Variants in KLF12 observed in about 807,000 individuals in gnomAD.
KLF12 encodes Krueppel-like factor 12.
A neutral mutation model predicts 37.8 loss-of-function variants in KLF12; 9 were observed. That is an observed-to-expected ratio of 0.24 (90% CI 0.14 to 0.42). KLF12 has a LOEUF of 0.42. Ranked by LOEUF, KLF12 falls within the 10% of genes least tolerant of loss-of-function variation. The pLI is 1.00. For synonymous variants in KLF12, 208 were observed against 202.1 expected (o/e 1.03, Z -0.25); for missense variants, 411 against 516.0 (o/e 0.80, Z 1.97).
Position 73,813,202 on chromosome 13 carries a change from G to A in KLF12, c.756C>T (p.Ser252=), listed in dbSNP as rs754841548. 3 of 1,613,776 alleles carry A rather than the reference G, an allele frequency of 1.9e-6. No individual in the cohort carries two copies. The highest frequency in any genetic ancestry group is 2.2e-5 in the East Asian group (1 of 44,884). Residue 252 remains serine (S), a synonymous_variant, in exon 5 of 8, where the codon AGC becomes AGT. Transcript: ENST00000377669. Reference sequence around the variant, plus strand: ...GGGCCGTAGATCCAGTTTCATTAACGCTATCTAAGGTCACATTTGGCAGGT... The same window carrying A: ...GGGCCGTAGATCCAGTTTCATTAACACTATCTAAGGTCACATTTGGCAGGT...
At chr13:74,175,519 G>C in the KLF12 span, among the ~76,000 whole-genome samples, 1 of 152,168 alleles carries the variant, frequency 6.6e-6, no homozygotes, top group Non-Finnish European at 1.5e-5. Context: ...TTGAAAAGGA[G>C]AGTCTCTTTT....
At chr13:74,164,634 T>C in the KLF12 span, among the ~76,000 whole-genome samples, 1 of 152,212 alleles carries the variant, frequency 6.6e-6, no homozygotes, top group Non-Finnish European at 1.5e-5. Flanking sequence ...CTGGCCCTGA[T>C]GTGATTGAAA....
the KLF12 span, among the ~76,000 whole-genome samples, chr13:74,153,052 T>C: frequency 6.6e-6 from 1 of 152,162 alleles, no homozygotes; most frequent in Non-Finnish European, 1.5e-5. Context: ...ATGTTTGCTA[T>C]GTGCCTGTTA....
intron 3 of KLF12, among the ~76,000 whole-genome samples, chr13:73,897,370 T>C (rs1207444349): frequency 6.6e-6 from 1 of 152,212 alleles, no homozygotes; most frequent in Non-Finnish European, 1.5e-5. Context: ...TCTTCTGATT[T>C]GTCAAATCTC....
intron 3 of KLF12, among the ~76,000 whole-genome samples, chr13:73,866,154 C>T (rs937292483): frequency 3.3e-5 from 5 of 152,112 alleles, no homozygotes; most frequent in Non-Finnish European, 7.3e-5. Flanking sequence ...ACTCGGGAGG[C>T]TGAGGTGTGA....
At chr13:74,237,710 A>T in the KLF12 span, among the ~76,000 whole-genome samples, 1 of 152,072 alleles carries the variant, frequency 6.6e-6, no homozygotes, top group Non-Finnish European at 1.5e-5. Flanking sequence ...AGCAATTGTG[A>T]ATGGGAGTTC....
intron 1 of KLF12, among the ~76,000 whole-genome samples, chr13:74,076,696 G>A (rs1344146780): frequency 2.0e-5 from 3 of 151,976 alleles, no homozygotes; most frequent in Non-Finnish European, 4.4e-5. Context: ...TGTTATATAC[G>A]TAAACTCATG....
chr13:74,113,172 T>A (rs1019527431), intron 1 of KLF12, among the ~76,000 whole-genome samples: 1 of 152,170 alleles, frequency 6.6e-6, no homozygotes, highest in African/African-American at 2.4e-5. Flanking sequence ...GCCATCTGCA[T>A]AACATAAAGG....
chr13:73,894,438 TA>T (rs1433826536), intron 3 of KLF12, among the ~76,000 whole-genome samples: 1 of 152,196 alleles, frequency 6.6e-6, no homozygotes, highest in Non-Finnish European at 1.5e-5. Flanking sequence ...TCTACTTTTT[TA>T]TTCTTTTAAA....
In KLF12 at chr13:73,915,477, T is replaced by C. The variant is rs528089907; in HGVS notation, c.123+28504A>G. Among the ~76,000 whole-genome samples, 32 of 151,648 alleles carry C rather than the reference T, an allele frequency of 2.1e-4. No homozygotes were observed. In the South Asian group the frequency reaches 6.2e-3, roughly 30 times the overall value. On this transcript the variant is annotated intron_variant, in intron 3 of 7. Coordinates refer to ENST00000377669, the MANE Select transcript of KLF12 (RefSeq NM_007249.5). The stretch of plus-strand genomic sequence containing the variant: ...AAGACGTTACACCCTTTCCCTGCAG[T>C]CGCTGCTCTGATATACCCAGGCTTC...
intron 6 of KLF12, among the ~76,000 whole-genome samples, chr13:73,745,662 C>T (rs527497662): frequency 6.6e-5 from 10 of 152,212 alleles, no homozygotes; most frequent in African/African-American, 2.4e-4. Context: ...TGTCATTGTT[C>T]TGCACGTATG....
the KLF12 span, among the ~76,000 whole-genome samples, chr13:74,144,627 T>C: frequency 6.6e-6 from 1 of 152,132 alleles, no homozygotes; most frequent in African/African-American, 2.4e-5. Context: ...CTCACTGAGA[T>C]AAAAAAATTC....
chr13:73,895,922 G>A (rs1887747759), intron 3 of KLF12, among the ~76,000 whole-genome samples: 1 of 151,594 alleles, frequency 6.6e-6, no homozygotes, highest in Non-Finnish European at 1.5e-5. Context: ...CTGGATTCAA[G>A]TGATTCTCCT....
At chr13:74,199,302 C>T in the KLF12 span, among the ~76,000 whole-genome samples, 1 of 152,188 alleles carries the variant, frequency 6.6e-6, no homozygotes, top group Admixed American at 6.6e-5. Flanking sequence ...AGTGACTGCC[C>T]CAAAGAAATG....
chr13:73,928,280 TTAAGTGTTAGAAGTTCTAGGCG>T (rs1889500589), intron 3 of KLF12, among the ~76,000 whole-genome samples: 1 of 152,152 alleles, frequency 6.6e-6, no homozygotes, highest in Non-Finnish European at 1.5e-5. Context: ...TAGCTAAAGG[TTAAGTGTTAGAAGTTCTAGGCG>T]ATAATCTCAC....
intron 7 of KLF12, among the ~76,000 whole-genome samples, chr13:73,700,781 TTAGAC>T (rs1055582732): frequency 2.0e-5 from 3 of 152,094 alleles, no homozygotes; most frequent in East Asian, 1.9e-4. Flanking sequence ...AGTGCTCTCT[TTAGAC>T]TAGTGAAATT....
rs1198744041 is a variant in KLF12, at chr13:73,987,404, T to TA, written c.33+7585dup. Among the ~76,000 whole-genome samples, 6 of 152,210 alleles carry TA rather than the reference T, an allele frequency of 3.9e-5. No individual in the cohort carries two copies. The East Asian group carries it at 9.7e-4, about 24-fold the overall frequency. ...TTAACACTATAATGTTCTCAGTAAG[T>TA]AAAAAAATTTTAACTAAAATGATAT... On this transcript the variant is annotated intron_variant, in intron 2 of 7. Coordinates refer to ENST00000377669, the MANE Select transcript of KLF12 (RefSeq NM_007249.5).
intron 3 of KLF12, among the ~76,000 whole-genome samples, chr13:73,873,135 A>T (rs772370700): frequency 9.9e-5 from 15 of 151,650 alleles, no homozygotes; most frequent in Admixed American, 8.5e-4. Flanking sequence ...TCTTTATTTT[A>T]TATATATATA....
At chr13:74,250,496 A>C in the KLF12 span, among the ~76,000 whole-genome samples, 1 of 152,144 alleles carries the variant, frequency 6.6e-6, no homozygotes, top group African/African-American at 2.4e-5. Context: ...CAAAAAGAAA[A>C]AGGTTAGAAC....
Sources: gnomAD v4.1 joint callset for allele counts (sites outside exome capture counted in the v4.1 genomes callset) on GRCh38, gnomAD v4.1.1 for gene constraint, MANE v1.5 for transcripts, NCBI Gene and HGNC (gene_info 2026-07-23, HGNC 2026-07-21) for gene names.